UBE2L6: variants seen among roughly 807,000 people sequenced by gnomAD.
The protein encoded by UBE2L6 is ubiquitin conjugating enzyme E2 L6.
Under a neutral mutation model 13.6 loss-of-function variants are expected in UBE2L6, and 11 were observed. The observed-to-expected ratio is 0.81, with a 90% CI of 0.51 to 1.34. UBE2L6 has a LOEUF of 1.34. Ranked by LOEUF, UBE2L6 falls within the 40% of genes most tolerant of loss-of-function variation. The pLI, the probability that UBE2L6 is intolerant of heterozygous loss-of-function variation, is 0.00. For synonymous variants in UBE2L6, 74 were observed against 83.2 expected (o/e 0.89, Z 0.60); for missense variants, 197 against 199.5 (o/e 0.99, Z 0.07).
At chr11:57,567,820 C>T, upstream of UBE2L6, 1 of 514,468 alleles carries the variant, frequency 1.9e-6, no homozygotes, top group South Asian at 3.1e-5. Flanking sequence ...GCCCGATCCC[C>T]GCGCGGAAGG....
chr11:57,562,341 G>A (rs1565160574), intron 1 of UBE2L6, among the ~76,000 whole-genome samples: 2 of 152,224 alleles, frequency 1.3e-5, no homozygotes, highest in African/African-American at 2.4e-5. Flanking sequence ...TAAGGTTTCC[G>A]ACTCCAGGCC....
intron 2 of UBE2L6, among the ~76,000 whole-genome samples, chr11:57,559,382 G>A (rs867363080): frequency 4.6e-5 from 7 of 152,166 alleles, no homozygotes; most frequent in South Asian, 2.1e-4. Flanking sequence ...AGGCCGAGGT[G>A]GGCAGATCAC....
chr11:57,552,641 C>T (rs1478191132), intron 3 of UBE2L6, 132 bp from the exon 4 acceptor site: 2 of 1,152,912 alleles, frequency 1.7e-6, no homozygotes, highest in Admixed American at 2.3e-5. Context: ...TACTCTACGA[C>T]CAGATCAAAC....
At chr11:57,564,546 T>C (rs998831359) in intron 1 of UBE2L6, among the ~76,000 whole-genome samples, 1 of 152,236 alleles carries the variant, frequency 6.6e-6, no homozygotes, top group Non-Finnish European at 1.5e-5. Context: ...CTCACGCCTG[T>C]AATCCCAGCA....
At chr11:57,555,177 T>C (rs1944987799) in intron 2 of UBE2L6, among the ~76,000 whole-genome samples, 1 of 152,174 alleles carries the variant, frequency 6.6e-6, no homozygotes, top group African/African-American at 2.4e-5. Context: ...CCCAAAGAAC[T>C]GAAAGCAAAC....
chr11:57,567,541 G>A, intron 1 of UBE2L6, 44 bp downstream of exon 1: 1 of 1,599,304 alleles, frequency 6.3e-7, no homozygotes, highest in Non-Finnish European at 8.5e-7. Context: ...GAATGCGGGA[G>A]GCGAGGGGAG....
chr11:57,566,957 C>CCCCGCCG (rs1554991547), intron 1 of UBE2L6: 5 of 220,188 alleles, frequency 2.3e-5, no homozygotes, highest in African/African-American at 3.1e-5. Context: ...GCCCCCCCCC[C>CCCCGCCG]CCTCCTAGAA....
chr11:57,559,763 A>G (rs903728858), intron 2 of UBE2L6, among the ~76,000 whole-genome samples: 4 of 152,218 alleles, frequency 2.6e-5, no homozygotes, highest in African/African-American at 4.8e-5. Context: ...TTAGTCACTA[A>G]TAATCGGATG....
Position 57,560,863 on chromosome 11 carries a change from G to A in UBE2L6, c.28-431C>T, listed in dbSNP as rs190990133. Among the ~76,000 whole-genome samples, 171 of 151,666 alleles carry A rather than the reference G, an allele frequency of 1.1e-3. 1 individual carries two copies. The East Asian group carries it at 0.013, about 11-fold the overall frequency. On this transcript the variant is annotated intron_variant, in intron 1 of 3. Transcript: ENST00000287156. ...TCTTGATCTCCTGACCTCGTGATCCGCCCGCCTCAGCCTCCCAAAGTGCTG... is the reference window on the plus strand; with the variant it reads ...TCTTGATCTCCTGACCTCGTGATCCACCCGCCTCAGCCTCCCAAAGTGCTG...
At chr11:57,567,887 C>T, upstream of UBE2L6, 1 of 401,946 alleles carries the variant, frequency 2.5e-6, no homozygotes, top group Non-Finnish European at 4.4e-6. Flanking sequence ...TCGGGGCGCA[C>T]GGCTTTGCTG....
At chr11:57,562,453 T>A (rs866459987) in intron 1 of UBE2L6, among the ~76,000 whole-genome samples, 50 of 152,360 alleles carry the variant, frequency 3.3e-4, no homozygotes, top group African/African-American at 1.2e-3. Context: ...CACCTGCTGA[T>A]TGCAGAGCCC....
At position 57,552,285 on chromosome 11, in the gene UBE2L6, C is replaced by A. The variant is rs1447067660; in HGVS notation, c.*73G>T. 4 of 1,579,778 alleles carry A rather than the reference C, an allele frequency of 2.5e-6. No homozygotes were observed. The African/African-American group carries it at 4.0e-5, about 16-fold the overall frequency. The stretch of plus-strand genomic sequence containing the variant: ...TGAATGGGGAATGGGCCACAGGGGG[C>A]TCTGGCCTCAGTCCATGAGGTGTGT... On this transcript the variant is annotated 3_prime_UTR_variant, in exon 4 of 4. Transcript: ENST00000287156.
intron 2 of UBE2L6, among the ~76,000 whole-genome samples, chr11:57,558,381 C>T (rs770630120): frequency 2.6e-5 from 4 of 152,090 alleles, no homozygotes; most frequent in Non-Finnish European, 5.9e-5. Context: ...GCCCGGCCTG[C>T]TACTTTTTAA....
chr11:57,558,589 T>C (rs1318593534), intron 2 of UBE2L6, among the ~76,000 whole-genome samples: 1 of 152,180 alleles, frequency 6.6e-6, no homozygotes, highest in Non-Finnish European at 1.5e-5. Context: ...TGACCTCATA[T>C]GTCGTGTGCT....
At chr11:57,558,139 C>T (rs566543554) in intron 2 of UBE2L6, among the ~76,000 whole-genome samples, 3 of 152,120 alleles carry the variant, frequency 2.0e-5, no homozygotes, top group Non-Finnish European at 4.4e-5. Flanking sequence ...AGTGCGATGG[C>T]CCAATCTCAG....
chr11:57,559,631 T>A (rs370754792), intron 2 of UBE2L6, among the ~76,000 whole-genome samples: 1 of 151,598 alleles, frequency 6.6e-6, no homozygotes, highest in South Asian at 2.1e-4. Flanking sequence ...CAAGTCCAAA[T>A]CCTAAATGAT....
chr11:57,567,505 G>A (rs1945102058), intron 1 of UBE2L6, 80 bp downstream of exon 1: 2 of 1,563,376 alleles, frequency 1.3e-6, no homozygotes, highest in Non-Finnish European at 1.7e-6. Context: ...TGCTCGGAGA[G>A]CCGCGGAGGG....
At position 57,567,646 on chromosome 11, in the gene UBE2L6, G is replaced by A; in HGVS notation, c.-35C>T. ...GAGTGTGTGGCACCCGTGGCCTCCA[G>A]CAGGACCGAGCTCCGACCCGCGACA... On this transcript the variant is annotated 5_prime_UTR_variant, in exon 1 of 4. Transcript: ENST00000287156. 6.3e-7 allele frequency: 1 copy of A among 1,597,712 alleles called. No individual in the cohort carries two copies. Among genetic ancestry groups the A allele is most frequent in the Non-Finnish European group, 8.5e-7 (1 of 1,173,042 alleles).
intron 1 of UBE2L6, chr11:57,566,943 G>GCCCCT: frequency 1.3e-5 from 1 of 75,880 alleles, no homozygotes; most frequent in South Asian, 6.5e-5. Context: ...GTTCATCTCT[G>GCCCCT]CCCGCCCCCC....
Sources: allele counts gnomAD v4.1 joint callset (sites outside exome capture counted in the v4.1 genomes callset), GRCh38; gene constraint gnomAD v4.1.1; transcripts MANE v1.5; gene names NCBI Gene and HGNC (gene_info 2026-07-23, HGNC 2026-07-21).